Variants in TAFA4 observed in about 807,000 individuals in gnomAD.
TAFA4 encodes TAFA chemokine like family member 4.
TAFA4 carries 20 observed loss-of-function variants against 21.1 expected under a neutral mutation model. The ratio of observed to expected loss-of-function variants is 0.95; its 90% confidence interval spans 0.67 to 1.38. The LOEUF is 1.38. Ranked by LOEUF, TAFA4 falls within the 40% of genes most tolerant of loss-of-function variation. The pLI is 0.00. For synonymous variants in TAFA4, 71 were observed against 67.4 expected (o/e 1.05, Z -0.26); for missense variants, 211 against 180.9 (o/e 1.17, Z -0.95).
chr3:68,733,910 TA>T (rs1325342370), intron 5 of TAFA4, among the ~76,000 whole-genome samples: 1 of 152,178 alleles, frequency 6.6e-6, no homozygotes, highest in Non-Finnish European at 1.5e-5. Context: ...TCAACAGTAT[TA>T]CTCCCCTTTT....
chr3:68,853,050 C>A (rs1202558189), intron 3 of TAFA4, among the ~76,000 whole-genome samples: 3 of 152,012 alleles, frequency 2.0e-5, no homozygotes, highest in Non-Finnish European at 4.4e-5. Context: ...ACAAGAAATG[C>A]AAAGGTTCAA....
chr3:68,753,139 G>A (rs370401286), intron 3 of TAFA4, 121 bp from the exon 4 acceptor site: 2 of 832,508 alleles, frequency 2.4e-6, no homozygotes, highest in Non-Finnish European at 3.7e-6. Context: ...ATGAGTCTTT[G>A]TAACATTTTA....
chr3:68,879,391 A>G (rs2106948401), intron 3 of TAFA4, among the ~76,000 whole-genome samples: 1 of 152,274 alleles, frequency 6.6e-6, no homozygotes, highest in South Asian at 2.1e-4. Flanking sequence ...TCATTCCCTG[A>G]AGATCATTAG....
chr3:68,849,372 T>G (rs1219299830), intron 3 of TAFA4, among the ~76,000 whole-genome samples: 1 of 152,182 alleles, frequency 6.6e-6, no homozygotes, highest in Non-Finnish European at 1.5e-5. Flanking sequence ...CGCCCAGGCT[T>G]CATGAGATAA....
Position 68,827,972 on chromosome 3 carries a change from A to T in TAFA4, c.130+52758T>A, listed in dbSNP as rs571037762. On this transcript the variant is annotated intron_variant, in intron 3 of 5. Coordinates refer to ENST00000295569, the MANE Select transcript of TAFA4 (RefSeq NM_182522.5). ...GTCCTTGCCCATGCCTATGTCCTGAATGGTATTTCCTAGGTTTTCTTCTAG... is the reference window on the plus strand; with the variant it reads ...GTCCTTGCCCATGCCTATGTCCTGATTGGTATTTCCTAGGTTTTCTTCTAG... 4.6e-5 allele frequency among the ~76,000 whole-genome samples: 7 copies of T among 152,232 alleles called. No homozygotes were observed. In the East Asian group the frequency reaches 1.4e-3, roughly 29 times the overall value.
At chr3:68,783,713 A>AAAAGAAAGAAAAGAAAG (rs1703194691) in intron 3 of TAFA4, among the ~76,000 whole-genome samples, 1 of 80,756 alleles carries the variant, frequency 1.2e-5, no homozygotes, top group Non-Finnish European at 2.4e-5. Flanking sequence ...GAGAGAAAGA[A>AAAAGAAAGAAAAGAAAG]AAAGAAAGAA....
At chr3:68,860,490 C>G (rs189765769) in intron 3 of TAFA4, among the ~76,000 whole-genome samples, 60 of 151,846 alleles carry the variant, frequency 4.0e-4, no homozygotes, top group African/African-American at 1.4e-3. Flanking sequence ...GCTCCTTTTC[C>G]TCTCTCTCTC....
intron 3 of TAFA4, among the ~76,000 whole-genome samples, chr3:68,838,918 GA>G (rs1374387555): frequency 6.6e-6 from 1 of 152,086 alleles, no homozygotes; most frequent in Non-Finnish European, 1.5e-5. Context: ...GCAACATGGT[GA>G]AACCCCGTCT....
intron 4 of TAFA4, among the ~76,000 whole-genome samples, chr3:68,744,554 GATAATCTCAACCTTTCAGCAGAT>G (rs1702418839): frequency 6.6e-6 from 1 of 152,184 alleles, no homozygotes. Flanking sequence ...CAATGAATCA[GATAATCTCAACCTTTCAGCAGAT>G]AAATTCCAGT....
rs765342148 is a variant in TAFA4 at position 68,753,027 on chromosome 3, T to C, written c.131-9A>G. The C allele has an allele frequency of 1.4e-5, 23 of 1,610,408 alleles. No individual in the cohort carries two copies. The African/African-American group carries it at 2.5e-4, about 18-fold the overall frequency. On this transcript the variant is annotated splice_polypyrimidine_tract_variant and intron_variant, in intron 3 of 5. Transcript: ENST00000295569. ...CTTGATTTGGTGGTGACCTAGTTGG[T>C]AATGGGGGAGAAAAACAAACCCAGT...
chr3:68,892,055 C>A (rs138176367), intron 1 of TAFA4, among the ~76,000 whole-genome samples: 1 of 151,938 alleles, frequency 6.6e-6, no homozygotes, highest in Non-Finnish European at 1.5e-5. Context: ...AGGTTACCAA[C>A]GTTTATGTGA....
At chr3:68,897,943 T>C (rs533142021) in intron 1 of TAFA4, among the ~76,000 whole-genome samples, 8 of 152,262 alleles carry the variant, frequency 5.3e-5, no homozygotes, top group Admixed American at 2.0e-4. Flanking sequence ...ACAGATCACA[T>C]TGGGATTCAT....
At chr3:68,765,536 T>C (rs1702836645) in intron 3 of TAFA4, among the ~76,000 whole-genome samples, 1 of 152,192 alleles carries the variant, frequency 6.6e-6, no homozygotes, top group Admixed American at 6.5e-5. Flanking sequence ...AATATGAGAA[T>C]GCTACTCTCA....
At chr3:68,883,906 C>T (rs2089644373) in intron 2 of TAFA4, among the ~76,000 whole-genome samples, 2 of 151,860 alleles carry the variant, frequency 1.3e-5, no homozygotes, top group African/African-American at 4.8e-5. Flanking sequence ...ACACTCCAGC[C>T]TGAGCAAAGA....
Position 68,824,610 on chromosome 3 carries a change from T to C in TAFA4, c.130+56120A>G, listed in dbSNP as rs567111908. Among the ~76,000 whole-genome samples the C allele has an allele frequency of 2.6e-5, 4 of 152,314 alleles. No individual in the cohort carries two copies. In the South Asian group the frequency reaches 8.3e-4, roughly 32 times the overall value. ...TCACCATGTAAGGTAAACATGCTCA[T>C]AGGTTCCAAGGATTCGAATGTGCAT... On this transcript the variant is annotated intron_variant, in intron 3 of 5. Transcript: ENST00000295569.
chr3:68,785,463 G>C (rs866381781), intron 3 of TAFA4, among the ~76,000 whole-genome samples: 9 of 152,356 alleles, frequency 5.9e-5, no homozygotes, highest in Non-Finnish European at 4.4e-5. Context: ...CCTGCCCCGC[G>C]CGGGAAGGCA....
chr3:68,786,312 A>C (rs1039402090), intron 3 of TAFA4, among the ~76,000 whole-genome samples: 5 of 152,186 alleles, frequency 3.3e-5, no homozygotes, highest in Non-Finnish European at 1.5e-5. Flanking sequence ...AAAATAGTTA[A>C]CTATGAGGCC....
intron 3 of TAFA4, among the ~76,000 whole-genome samples, chr3:68,833,158 T>C (rs189542739): frequency 6.6e-6 from 1 of 152,210 alleles, no homozygotes; most frequent in Admixed American, 6.5e-5. Flanking sequence ...CCTTTGCACC[T>C]GGGTGAGGCA....
intron 1 of TAFA4, among the ~76,000 whole-genome samples, chr3:68,891,173 A>G (rs1370366365): frequency 1.3e-5 from 2 of 152,204 alleles, no homozygotes; most frequent in East Asian, 3.9e-4. Flanking sequence ...TGAAGGCTAA[A>G]TTACTTCGGT....
Sources: gnomAD v4.1 joint callset for allele counts (sites outside exome capture counted in the v4.1 genomes callset) on GRCh38, gnomAD v4.1.1 for gene constraint, MANE v1.5 for transcripts, NCBI Gene and HGNC (gene_info 2026-07-23, HGNC 2026-07-21) for gene names.